SMAD3: variants seen among roughly 807,000 people sequenced by gnomAD.
SMAD3 encodes MAD homolog 3.
In SMAD3, 12 loss-of-function variants were observed where a neutral mutation model predicts 51.8. The ratio of observed to expected loss-of-function variants is 0.23; its 90% CI spans 0.15 to 0.38. The LOEUF (loss-of-function observed/expected upper bound fraction) is 0.38, where lower values mean the gene tolerates loss of function less well. Among genes scored for constraint, SMAD3 ranks in the 10% least tolerant of loss-of-function variants. The probability of loss-of-function intolerance (pLI) is 1.00; values close to 1 mark genes in which losing one functional copy is unlikely to be tolerated. For synonymous variants in SMAD3, 238 were observed against 227.7 expected, an observed-to-expected ratio of 1.05 and a Z score of -0.41; for missense variants, 294 against 565.6, an observed-to-expected ratio of 0.52 and a Z score of 4.87.
chr15:67,076,349 A>T (rs564714470), intron 1 of SMAD3, among the ~76,000 whole-genome samples: 109 of 152,280 alleles, frequency 7.2e-4, no homozygotes, highest in African/African-American at 2.5e-3. Context: ...GGGGCGGGGG[A>T]TGGGTAAGAT....
At chr15:67,095,117 C>T (rs187480332) in intron 1 of SMAD3, among the ~76,000 whole-genome samples, 3 of 152,294 alleles carry the variant, frequency 2.0e-5, no homozygotes, top group Admixed American at 2.0e-4. Context: ...TTCCTCTCCC[C>T]TTGGTGTTAA....
At chr15:67,105,596 T>G (rs760837686) in intron 1 of SMAD3, among the ~76,000 whole-genome samples, 4 of 152,192 alleles carry the variant, frequency 2.6e-5, no homozygotes, top group Non-Finnish European at 5.9e-5. Context: ...ATACCAGTGA[T>G]AAATATTAGT....
At chr15:67,147,195 G>C (rs963804347) in intron 1 of SMAD3, among the ~76,000 whole-genome samples, 2 of 152,172 alleles carry the variant, frequency 1.3e-5, no homozygotes, top group Admixed American at 1.3e-4. Flanking sequence ...TGTTTACAGA[G>C]CCCGGGAGAT....
At chr15:67,146,460 C>T (rs1218194291) in intron 1 of SMAD3, among the ~76,000 whole-genome samples, 2 of 152,104 alleles carry the variant, frequency 1.3e-5, no homozygotes, top group East Asian at 1.9e-4. Context: ...AGTGGAGGTG[C>T]GGCCTAGAGC....
chr15:67,125,832 G>C (rs1961370885), intron 1 of SMAD3: 1 of 985,364 alleles, frequency 1.0e-6, no homozygotes, highest in Admixed American at 6.2e-5. Flanking sequence ...AGCAACATGT[G>C]GGCAAGAGCC....
chr15:67,090,367 T>A (rs546408686), intron 1 of SMAD3, among the ~76,000 whole-genome samples: 1 of 152,270 alleles, frequency 6.6e-6, no homozygotes, highest in East Asian at 1.9e-4. Flanking sequence ...TCAGATTTCC[T>A]TCAGAGGCTG....
chr15:67,187,387 C>A lies in SMAD3; in HGVS notation c.1032C>A (p.Asn344Lys), dbSNP rs202098340. 6.2e-7 allele frequency: 1 copy of A among 1,614,192 alleles called. No homozygotes were observed. Among genetic ancestry groups the A allele is most frequent in the Non-Finnish European group, 8.5e-7 (1 of 1,180,038 alleles). ...CAGGATGCAACCTGAAGATCTTCAA[C>A]AACCAGGAGTTCGCTGCCCTCCTGG... The part of the protein sequence containing the change: ...IPPGCNLKIF[N>K]NQEFAALLAQ... The change falls in exon 8 of 9, where the codon AAC becomes AAA. Residue 344 changes from asparagine to lysine, a missense_variant. Physicochemically the swap from Asn to Lys is moderately conservative, Grantham distance 94. This residue lies in a region of SMAD3 where 118 missense variants were observed against 278.0 expected (regional missense o/e 0.42). Transcript: ENST00000327367.
chr15:67,151,730 T>A (rs1962151079), intron 1 of SMAD3, among the ~76,000 whole-genome samples: 1 of 152,222 alleles, frequency 6.6e-6, no homozygotes, highest in Non-Finnish European at 1.5e-5. Context: ...GGATACATAG[T>A]GATGTTTTGA....
intron 1 of SMAD3, among the ~76,000 whole-genome samples, chr15:67,073,002 A>G (rs1960089850): frequency 6.6e-6 from 1 of 152,254 alleles, no homozygotes; most frequent in Non-Finnish European, 1.5e-5. Flanking sequence ...TGAATAAGGC[A>G]GATACTGTCC....
chr15:67,099,091 G>A (rs1960691102), intron 1 of SMAD3: 3 of 688,882 alleles, frequency 4.4e-6, no homozygotes, highest in Non-Finnish European at 8.0e-6. Context: ...CAGCCTTAGA[G>A]AAAGTGGCTG....
At chr15:67,185,146 A>G (rs1808171271) in intron 7 of SMAD3, among the ~76,000 whole-genome samples, 1 of 151,996 alleles carries the variant, frequency 6.6e-6, no homozygotes, top group Non-Finnish European at 1.5e-5. Flanking sequence ...TCCTTTCTTC[A>G]CTCATTCATT....
chr15:67,114,628 C>G (rs140714637), intron 1 of SMAD3, among the ~76,000 whole-genome samples: 81 of 152,298 alleles, frequency 5.3e-4, no homozygotes, highest in African/African-American at 1.8e-3. Context: ...CCTGCCTGCT[C>G]TAAGTCATAT....
chr15:67,168,921 G>C (rs186835158), intron 4 of SMAD3, among the ~76,000 whole-genome samples: 1 of 152,136 alleles, frequency 6.6e-6, no homozygotes, highest in African/African-American at 2.4e-5. Context: ...GGGCCAGAGG[G>C]TCACGTTGTT....
At chr15:67,075,308 G>T (rs1157592346) in intron 1 of SMAD3, among the ~76,000 whole-genome samples, 4 of 152,178 alleles carry the variant, frequency 2.6e-5, no homozygotes, top group Non-Finnish European at 5.9e-5. Flanking sequence ...TCAGACTCAA[G>T]GTGGGTCTAA....
At chr15:67,086,396 A>G (rs72743427) in intron 1 of SMAD3, among the ~76,000 whole-genome samples, 12,573 of 152,228 alleles carry the variant, frequency 0.083, 822 homozygotes, top group East Asian at 0.23. Context: ...AAGAAATCTG[A>G]TGGGACACAT....
At chr15:67,091,562 T>G (rs1960509564) in intron 1 of SMAD3, among the ~76,000 whole-genome samples, 1 of 152,236 alleles carries the variant, frequency 6.6e-6, no homozygotes. Flanking sequence ...ATTGGTTTCC[T>G]TAGATTCATT....
intron 1 of SMAD3, among the ~76,000 whole-genome samples, chr15:67,130,445 C>T (rs1389642517): frequency 1.3e-5 from 2 of 152,168 alleles, no homozygotes; most frequent in East Asian, 3.9e-4. Context: ...AGCTCCGCCT[C>T]CTGTCAGATA....
Position 67,170,571 on chromosome 15 carries a change from C to A in SMAD3, c.625C>A (p.Pro209Thr), listed in dbSNP as rs1307369777. 5.0e-6 allele frequency: 8 copies of A among 1,614,070 alleles called. No individual in the cohort carries two copies. Among genetic ancestry groups the A allele is most frequent in the Non-Finnish European group, 6.8e-6 (8 of 1,179,946 alleles). ...SMDAGSPNLS[P>T]NPMSPAHNNL... ...CCTCGCAGGTTCTCCAAACCTATCC[C>A]CGAATCCGATGTCCCCAGCACATAA... is the stretch of plus-strand genomic sequence containing the variant. The change falls in exon 5 of 9, where the codon CCG (proline) becomes ACG (threonine). Residue 209 changes from proline to threonine, a missense_variant. Coordinates refer to ENST00000327367, the MANE Select transcript of SMAD3 (RefSeq NM_005902.4).
Position 67,170,621 on chromosome 15 carries a change from GCA to G in SMAD3, c.658+22_658+23del. 1 of 1,610,676 alleles carries G rather than the reference GCA, an allele frequency of 6.2e-7. No homozygotes were observed. Among genetic ancestry groups the G allele is most frequent in the South Asian group, 1.1e-5 (1 of 91,020 alleles). ...ATAACTTGGGTGAGTATCTCCTTGTGCACACAACTGGAACCCCCTCTAGCTGC... is the reference window on the plus strand; with the variant it reads ...ATAACTTGGGTGAGTATCTCCTTGTGCACAACTGGAACCCCCTCTAGCTGC... On this transcript the variant is annotated intron_variant, in intron 5 of 8. Transcript: ENST00000327367.
Sources: allele counts gnomAD v4.1 joint callset (sites outside exome capture counted in the v4.1 genomes callset), GRCh38; gene constraint gnomAD v4.1.1; regional missense constraint gnomAD v4.1.1; transcripts MANE v1.5; gene names NCBI Gene and HGNC (gene_info 2026-07-23, HGNC 2026-07-21).